The following NTM variants were observed in gnomAD, a reference collection of about 807,000 sequenced individuals.
NTM encodes the protein neurotrimin, also known as IgLON family member 2.
Under a neutral mutation model 42.1 loss-of-function variants are expected in NTM, and 13 were observed. The ratio of observed to expected loss-of-function variants is 0.31; its 90% CI spans 0.20 to 0.49. The LOEUF (loss-of-function observed/expected upper bound fraction) is 0.49, where lower values mean the gene tolerates loss of function less well. Ranked by LOEUF, NTM falls within the 20% of genes least tolerant of loss-of-function variation. The pLI is 0.99. For missense variants in NTM, 373 were observed against 452.8 expected (o/e 0.82, Z 1.60); for synonymous variants, 187 against 179.2 (o/e 1.04, Z -0.35).
At chr11:132,027,494 C>T (rs559005490) in intron 2 of NTM, among the ~76,000 whole-genome samples, 6 of 152,250 alleles carry the variant, frequency 3.9e-5, no homozygotes, top group African/African-American at 1.2e-4. Flanking sequence ...TCACCTTTGA[C>T]GAATAATTTT....
At chr11:131,595,021 C>A (rs1002511217) in intron 1 of NTM, among the ~76,000 whole-genome samples, 1 of 152,176 alleles carries the variant, frequency 6.6e-6, no homozygotes. Context: ...TGGCTTAAGT[C>A]ATATAATGTA....
At chr11:131,605,386 T>G (rs1174364052) in intron 1 of NTM, among the ~76,000 whole-genome samples, 1 of 152,222 alleles carries the variant, frequency 6.6e-6, no homozygotes, top group Non-Finnish European at 1.5e-5. Flanking sequence ...GTGTGATTTA[T>G]TTTTGTATAT....
intron 4 of NTM, among the ~76,000 whole-genome samples, chr11:132,291,638 A>G (rs2094453636): frequency 6.6e-6 from 1 of 152,204 alleles, no homozygotes; most frequent in Non-Finnish European, 1.5e-5. Context: ...AGACAAGAAT[A>G]CCTAGAACCT....
chr11:132,039,894 G>C (rs2076968381), intron 2 of NTM, among the ~76,000 whole-genome samples: 1 of 152,150 alleles, frequency 6.6e-6, no homozygotes, highest in African/African-American at 2.4e-5. Context: ...CGTCAACTAA[G>C]ATAACCACCT....
chr11:131,385,785 A>G (rs1943246129), intron 1 of NTM, among the ~76,000 whole-genome samples: 1 of 152,178 alleles, frequency 6.6e-6, no homozygotes. Context: ...TTGAACCCAA[A>G]AATTCAAGGC....
intron 2 of NTM, among the ~76,000 whole-genome samples, chr11:132,028,144 T>A (rs2075429138): frequency 6.6e-6 from 1 of 152,104 alleles, no homozygotes; most frequent in South Asian, 2.1e-4. Context: ...TTAGAACTCT[T>A]AGCATATTAT....
intron 4 of NTM, among the ~76,000 whole-genome samples, chr11:132,248,914 G>A (rs924779427): frequency 6.6e-6 from 1 of 152,210 alleles, no homozygotes; most frequent in African/African-American, 2.4e-5. Context: ...TTTCCCGGGG[G>A]AAATGTCATC....
intron 4 of NTM, among the ~76,000 whole-genome samples, chr11:132,295,740 G>A (rs2094587189): frequency 2.0e-5 from 3 of 152,180 alleles, no homozygotes; most frequent in Non-Finnish European, 4.4e-5. Flanking sequence ...CAGAGATGTA[G>A]GCAAGAGCCA....
At chr11:132,281,164 A>T (rs2093959823) in intron 4 of NTM, among the ~76,000 whole-genome samples, 1 of 152,198 alleles carries the variant, frequency 6.6e-6, no homozygotes, top group African/African-American at 2.4e-5. Flanking sequence ...CTTTAAAGGA[A>T]TGACCTTGGG....
intron 1 of NTM, among the ~76,000 whole-genome samples, chr11:131,661,585 CT>C (rs566379321): frequency 1.5e-4 from 23 of 152,304 alleles, no homozygotes; most frequent in African/African-American, 5.1e-4. Context: ...CACTTACTTT[CT>C]CTTTAGCATG....
intron 1 of NTM, among the ~76,000 whole-genome samples, chr11:131,629,452 T>C (rs1180700253): frequency 1.3e-5 from 2 of 152,148 alleles, no homozygotes; most frequent in Non-Finnish European, 2.9e-5. Context: ...CTTTATATCC[T>C]TACATGAAGG....
chr11:131,834,625 C>CATATATAT (rs10604283), intron 1 of NTM, among the ~76,000 whole-genome samples: 30,346 of 133,576 alleles, frequency 0.23, 3,720 homozygotes, highest in East Asian at 0.28. Flanking sequence ...TATACATATA[C>CATATATAT]ATATATATAT....
At chr11:131,443,559 G>C (rs555327680) in intron 1 of NTM, among the ~76,000 whole-genome samples, 2 of 152,310 alleles carry the variant, frequency 1.3e-5, no homozygotes, top group African/African-American at 4.8e-5. Flanking sequence ...GTGCACAGGT[G>C]GTGTGGTAGG....
chr11:131,472,358 G>A (rs537036954), intron 1 of NTM, among the ~76,000 whole-genome samples: 241 of 152,310 alleles, frequency 1.6e-3, no homozygotes, highest in African/African-American at 5.7e-3. Context: ...ATGGCTAGAT[G>A]TTTGAAAAAG....
chr11:132,008,873 T>G (rs954291422), intron 2 of NTM, among the ~76,000 whole-genome samples: 2 of 151,982 alleles, frequency 1.3e-5, no homozygotes, highest in African/African-American at 4.8e-5. Context: ...TTTCTTTTTT[T>G]TTTTTCCTGT....
At chr11:132,064,188 A>C (rs1401114532) in intron 2 of NTM, among the ~76,000 whole-genome samples, 1 of 152,200 alleles carries the variant, frequency 6.6e-6, no homozygotes, top group Non-Finnish European at 1.5e-5. Context: ...ACTCTCTTTA[A>C]GAATCTGATA....
At chr11:131,867,150 T>A (rs1159043605) in intron 1 of NTM, among the ~76,000 whole-genome samples, 1 of 152,248 alleles carries the variant, frequency 6.6e-6, no homozygotes, top group Non-Finnish European at 1.5e-5. Flanking sequence ...TCTCAAAGAC[T>A]GCAGTCCTAC....
At chr11:132,333,081 A>G (rs181859493) in intron 8 of NTM, among the ~76,000 whole-genome samples, 132 of 152,236 alleles carry the variant, frequency 8.7e-4, no homozygotes, top group Admixed American at 1.5e-3. Flanking sequence ...CCCTGCCGGG[A>G]GTTAAGGACT....
chr11:132,263,651 T>C (rs1156856317), intron 4 of NTM, among the ~76,000 whole-genome samples: 1 of 152,202 alleles, frequency 6.6e-6, no homozygotes, highest in Non-Finnish European at 1.5e-5. Context: ...TCTCACATGT[T>C]ATTATTAGCA....
Sources: allele counts gnomAD v4.1 joint callset (sites outside exome capture counted in the v4.1 genomes callset), GRCh38; gene constraint gnomAD v4.1.1; transcripts MANE v1.5; gene names NCBI Gene and HGNC (gene_info 2026-07-23, HGNC 2026-07-21).